NR3C2: variants seen among roughly 807,000 people sequenced by gnomAD.
The protein encoded by NR3C2 is nuclear receptor subfamily 3 group C member 2, also known as mineralocorticoid receptor.
Under a neutral mutation model 86.4 loss-of-function variants are expected in NR3C2, and 15 were observed. That is an observed-to-expected ratio of 0.17 (90% confidence interval 0.12 to 0.27). NR3C2 has a LOEUF of 0.27. Among genes scored for constraint, NR3C2 ranks in the 10% least tolerant of loss-of-function variants. The pLI is 1.00. For synonymous variants in NR3C2, 458 were observed against 450.5 expected, an observed-to-expected ratio of 1.02 and a Z score of -0.21; for missense variants, 960 against 1,195.6, an observed-to-expected ratio of 0.80 and a Z score of 2.91.
At chr4:148,438,154 A>G (rs139150619) in intron 1 of NR3C2, among the ~76,000 whole-genome samples, 93 of 152,324 alleles carry the variant, frequency 6.1e-4, no homozygotes, top group Middle Eastern at 3.4e-3. Context: ...ATCTTGGCAC[A>G]TTGACATTTT....
At chr4:148,342,472 C>T (rs1354917081) in intron 2 of NR3C2, among the ~76,000 whole-genome samples, 2 of 152,120 alleles carry the variant, frequency 1.3e-5, no homozygotes, top group East Asian at 1.9e-4. Flanking sequence ...GTGCTCCATA[C>T]ATGTATTGTG....
chr4:148,386,189 C>G lies in NR3C2; in HGVS notation c.1757+48915G>C, dbSNP rs183822076. 4.0e-3 allele frequency among the ~76,000 whole-genome samples: 609 copies of G among 152,324 alleles called. 6 individuals carry two copies. Among genetic ancestry groups the G allele is most frequent in the Non-Finnish European group, 6.4e-3 (433 of 68,028 alleles). On this transcript the variant is annotated intron_variant, in intron 2 of 8. Transcript: ENST00000358102. ...AATGAACCTGGGAATAAACTCCCCT[C>G]ACTCACATGAAATTGAGGACTCCTC...
intron 3 of NR3C2, among the ~76,000 whole-genome samples, chr4:148,207,422 G>A (rs916558593): frequency 7.9e-5 from 12 of 152,292 alleles, no homozygotes; most frequent in Admixed American, 3.3e-4. Context: ...CAATTTCTAA[G>A]AAGGCTTTAA....
chr4:148,211,489 ATTTATT>A (rs1737280763), intron 3 of NR3C2, among the ~76,000 whole-genome samples: 1 of 152,212 alleles, frequency 6.6e-6, no homozygotes, highest in African/African-American at 2.4e-5. Context: ...CTACTTATGT[ATTTATT>A]TTTATGTTGC....
rs142322031 is a variant in NR3C2 at position 148,093,193 on chromosome 4, A to T, written c.2800-11694T>A. On this transcript the variant is annotated intron_variant, in intron 8 of 8. Coordinates refer to ENST00000358102, the MANE Select transcript of NR3C2 (RefSeq NM_000901.5). ...GCCTGGCAAGGTCACAGGGCAACTG[A>T]TGGCACTTGGCTCGCTCTGACAATG... Among the ~76,000 whole-genome samples the T allele has an allele frequency of 1.7e-3, 261 of 152,318 alleles. 1 individual carries two copies. Among genetic ancestry groups the T allele is most frequent in the African/African-American group, 5.7e-3 (239 of 41,572 alleles).
At chr4:148,119,577 G>A (rs1042433388) in intron 7 of NR3C2, among the ~76,000 whole-genome samples, 1 of 152,122 alleles carries the variant, frequency 6.6e-6, no homozygotes, top group Non-Finnish European at 1.5e-5. Context: ...GTGGATCACC[G>A]GAGTTCGAGA....
At chr4:148,356,115 ACT>A in intron 2 of NR3C2, among the ~76,000 whole-genome samples, 1 of 152,182 alleles carries the variant, frequency 6.6e-6, no homozygotes, top group East Asian at 1.9e-4. Context: ...ACAGAATAAA[ACT>A]CTCATTATGC....
intron 1 of NR3C2, among the ~76,000 whole-genome samples, chr4:148,441,068 G>C (rs577117918): frequency 3.4e-4 from 51 of 152,160 alleles, no homozygotes; most frequent in African/African-American, 1.2e-3. Context: ...TTATAGATGA[G>C]GTAAATGATA....
chr4:148,376,543 G>A (rs1333197545), intron 2 of NR3C2, among the ~76,000 whole-genome samples: 2 of 152,172 alleles, frequency 1.3e-5, no homozygotes, highest in African/African-American at 4.8e-5. Context: ...GGGTAAGAGA[G>A]AGCTCCAAGA....
chr4:148,358,478 G>T (rs1745669101), intron 2 of NR3C2, among the ~76,000 whole-genome samples: 1 of 135,490 alleles, frequency 7.4e-6, no homozygotes, highest in African/African-American at 2.7e-5. Context: ...TGGTGGGGTG[G>T]GGGGAGGGGG....
chr4:148,199,795 T>C (rs1736624857), intron 3 of NR3C2, among the ~76,000 whole-genome samples: 1 of 152,214 alleles, frequency 6.6e-6, no homozygotes, highest in Admixed American at 6.5e-5. Flanking sequence ...CCTTATATTC[T>C]ACGGGTTAGG....
chr4:148,366,974 C>CCTTATATA (rs1746175466), intron 2 of NR3C2, among the ~76,000 whole-genome samples: 1 of 152,152 alleles, frequency 6.6e-6, no homozygotes, highest in Non-Finnish European at 1.5e-5. Flanking sequence ...TGCTTATTTT[C>CCTTATATA]CATGGGGTAT....
At chr4:148,348,105 G>A (rs1561055886) in intron 2 of NR3C2, among the ~76,000 whole-genome samples, 1 of 152,114 alleles carries the variant, frequency 6.6e-6, no homozygotes, top group Non-Finnish European at 1.5e-5. Context: ...ACTCTCGGTT[G>A]GTGTCTCTCT....
chr4:148,084,337 C>A (rs183039817), intron 8 of NR3C2, among the ~76,000 whole-genome samples: 31 of 152,334 alleles, frequency 2.0e-4, no homozygotes, highest in African/African-American at 7.2e-4. Flanking sequence ...AGAAACCCTA[C>A]AAGCCAGAAG....
At chr4:148,273,127 G>A (rs1044307514) in intron 2 of NR3C2, among the ~76,000 whole-genome samples, 3 of 152,084 alleles carry the variant, frequency 2.0e-5, no homozygotes, top group Non-Finnish European at 4.4e-5. Context: ...TTTATTAAAT[G>A]GAAATACCTA....
At chr4:148,347,627 ACT>A (rs1745060453) in intron 2 of NR3C2, among the ~76,000 whole-genome samples, 1 of 152,136 alleles carries the variant, frequency 6.6e-6, no homozygotes, top group Admixed American at 6.6e-5. Context: ...ACATTTGCAC[ACT>A]GTTTCCCTAC....
chr4:148,443,906 G>T (rs1252944987), upstream of NR3C2: 1 of 761,444 alleles, frequency 1.3e-6, no homozygotes. Flanking sequence ...CTCCAGTCAG[G>T]AACTCCCTGG....
At chr4:148,398,389 A>G (rs890337677) in intron 2 of NR3C2, among the ~76,000 whole-genome samples, 15 of 152,216 alleles carry the variant, frequency 9.9e-5, no homozygotes, top group African/African-American at 3.4e-4. Flanking sequence ...TGAGGGCAGT[A>G]CATTCTTTTG....
At chr4:148,103,330 T>C (rs11725517) in intron 8 of NR3C2, among the ~76,000 whole-genome samples, 69,887 of 151,980 alleles carry the variant, frequency 0.46, 16,694 homozygotes, top group East Asian at 0.67. Flanking sequence ...ACAGAGGACA[T>C]AGGCCCCAGG....
Sources: allele counts gnomAD v4.1 joint callset (sites outside exome capture counted in the v4.1 genomes callset), GRCh38; gene constraint gnomAD v4.1.1; transcripts MANE v1.5; gene names NCBI Gene and HGNC (gene_info 2026-07-23, HGNC 2026-07-21).